The following VCL variants were observed in gnomAD, a reference collection of about 807,000 sequenced individuals.
VCL encodes the protein vinculin.
VCL carries 47 observed loss-of-function variants against 125.7 expected under a neutral mutation model. The ratio of observed to expected loss-of-function variants is 0.37; its 90% CI spans 0.30 to 0.48. The LOEUF (loss-of-function observed/expected upper bound fraction) is 0.48. VCL is among the 20% of genes least tolerant of loss of function. The pLI, the probability that VCL is intolerant of heterozygous loss-of-function variation, is 0.99. For synonymous variants in VCL, 458 were observed against 514.6 expected (o/e 0.89, Z 1.49); for missense variants, 1,069 against 1,455.5 (o/e 0.73, Z 4.32).
chr10:74,066,673 ATTT>A (rs34258352), intron 2 of VCL, among the ~76,000 whole-genome samples: 21 of 142,530 alleles, frequency 1.5e-4, no homozygotes, highest in African/African-American at 2.6e-4. Context: ...TTATAAAATG[ATTT>A]TTTTTTTTTT....
At chr10:74,027,995 ATGT>A (rs929142535) in intron 1 of VCL, 1 of 152,216 alleles carries the variant, frequency 6.6e-6, no homozygotes, top group African/African-American at 2.4e-5. Flanking sequence ...TCATCCAGTG[ATGT>A]TTTCCTCTTT....
chr10:74,115,192 G>A (rs967058418), intron 21 of VCL, among the ~76,000 whole-genome samples: 1 of 152,014 alleles, frequency 6.6e-6, no homozygotes. Flanking sequence ...TTGCACCACT[G>A]CACTGCAGCC....
chr10:74,045,440 T>C (rs1841181463), intron 2 of VCL, among the ~76,000 whole-genome samples: 1 of 151,866 alleles, frequency 6.6e-6, no homozygotes, highest in Non-Finnish European at 1.5e-5. Flanking sequence ...CTGGCCAACA[T>C]GGTGAAACCC....
At chr10:74,066,012 C>T (rs1841563256) in intron 2 of VCL, among the ~76,000 whole-genome samples, 1 of 149,936 alleles carries the variant, frequency 6.7e-6, no homozygotes, top group African/African-American at 2.4e-5. Context: ...ACACCTCTAA[C>T]ATCCAGCAGA....
chr10:74,064,319 G>C (rs1841529346), intron 2 of VCL, among the ~76,000 whole-genome samples: 1 of 152,108 alleles, frequency 6.6e-6, no homozygotes. Context: ...GAAACTCTCT[G>C]ACCATGCCTT....
intron 9 of VCL, among the ~76,000 whole-genome samples, chr10:74,089,776 G>C (rs548604029): frequency 6.6e-6 from 1 of 152,216 alleles, no homozygotes; most frequent in African/African-American, 2.4e-5. Context: ...AATAAGGTGT[G>C]GTTAATTCAG....
intron 2 of VCL, among the ~76,000 whole-genome samples, chr10:74,065,771 G>A (rs60819773): frequency 2.6e-5 from 4 of 151,696 alleles, no homozygotes; most frequent in African/African-American, 7.3e-5. Context: ...AAGTTCAGAC[G>A]ATGAGGATCA....
intron 1 of VCL, among the ~76,000 whole-genome samples, chr10:74,029,785 G>A (rs1010696256): frequency 6.6e-6 from 1 of 152,074 alleles, no homozygotes; most frequent in Admixed American, 6.5e-5. Flanking sequence ...TATTTATGAA[G>A]AATATTGTTG....
At position 74,050,243 on chromosome 10, in the gene VCL, C is replaced by T. The variant is rs148031573; in HGVS notation, c.239+7090C>T. Among the ~76,000 whole-genome samples, 409 of 152,266 alleles carry T rather than the reference C, an allele frequency of 2.7e-3. 3 individuals carry two copies. Among genetic ancestry groups the T allele is most frequent in the African/African-American group, 9.6e-3 (398 of 41,556 alleles). Reference sequence around the variant, plus strand: ...GAAGTCAAAACTTGGATTGGTTCACCAGCTTGGACTATTTTTGAAGCATAC... The same window carrying T: ...GAAGTCAAAACTTGGATTGGTTCACTAGCTTGGACTATTTTTGAAGCATAC... On this transcript the variant is annotated intron_variant, in intron 2 of 21. Coordinates refer to ENST00000211998, the MANE Select transcript of VCL (RefSeq NM_014000.3).
At chr10:74,002,615 G>T (rs1450685345) in intron 1 of VCL, among the ~76,000 whole-genome samples, 1 of 151,362 alleles carries the variant, frequency 6.6e-6, no homozygotes, top group Non-Finnish European at 1.5e-5. Context: ...CAAGTATGGT[G>T]GCTCATGCCT....
chr10:74,076,028 G>T (rs930889444), intron 6 of VCL: 2 of 152,542 alleles, frequency 1.3e-5, no homozygotes, highest in African/African-American at 4.8e-5. Flanking sequence ...CTTTTGCATA[G>T]TTGACAACTT....
At chr10:74,031,183 A>G (rs1255274901) in intron 1 of VCL, among the ~76,000 whole-genome samples, 3 of 152,198 alleles carry the variant, frequency 2.0e-5, no homozygotes, top group African/African-American at 4.8e-5. Flanking sequence ...TAAATTCCTA[A>G]GAAGATATAG....
At chr10:74,067,378 T>TAA (rs571897797) in intron 2 of VCL, among the ~76,000 whole-genome samples, 41 of 145,022 alleles carry the variant, frequency 2.8e-4, no homozygotes, top group Non-Finnish European at 5.2e-4. Flanking sequence ...GGCTTTTATT[T>TAA]AAAAAAAAAA....
At chr10:74,111,573 TGTGAGAATC>T (rs1472463304) in intron 18 of VCL, among the ~76,000 whole-genome samples, 1 of 152,258 alleles carries the variant, frequency 6.6e-6, no homozygotes, top group African/African-American at 2.4e-5. Context: ...AATATTCTCA[TGTGAGAATC>T]ACTCTTGTCA....
At chr10:74,047,787 T>C in intron 2 of VCL, among the ~76,000 whole-genome samples, 1 of 152,174 alleles carries the variant, frequency 6.6e-6, no homozygotes, top group South Asian at 2.1e-4. Flanking sequence ...TCATAGGCTA[T>C]TTGTGTGATT....
chr10:74,004,352 G>C (rs1476386033), intron 1 of VCL, among the ~76,000 whole-genome samples: 1 of 152,164 alleles, frequency 6.6e-6, no homozygotes, highest in African/African-American at 2.4e-5. Context: ...CCGTTTTACA[G>C]ATGAGGGAGG....
chr10:74,044,010 C>G (rs975886055), intron 2 of VCL, among the ~76,000 whole-genome samples: 3 of 151,764 alleles, frequency 2.0e-5, no homozygotes, highest in Non-Finnish European at 2.9e-5. Flanking sequence ...ATTTGGGAGG[C>G]TGAGGCAGGA....
intron 8 of VCL, among the ~76,000 whole-genome samples, chr10:74,087,470 C>T (rs1353395088): frequency 3.4e-5 from 5 of 147,910 alleles, no homozygotes; most frequent in Admixed American, 6.7e-5. Flanking sequence ...CTCAGCCTAC[C>T]GAGTAGCTGG....
At chr10:74,054,502 C>A (rs12266886) in intron 2 of VCL, among the ~76,000 whole-genome samples, 4,932 of 152,194 alleles carry the variant, frequency 0.032, 277 homozygotes, top group African/African-American at 0.11. Context: ...TGAAAAATAT[C>A]CTCTTATTGT....
Sources: gnomAD v4.1 joint callset for allele counts (sites outside exome capture counted in the v4.1 genomes callset) on GRCh38, gnomAD v4.1.1 for gene constraint, MANE v1.5 for transcripts, NCBI Gene and HGNC (gene_info 2026-07-23, HGNC 2026-07-21) for gene names.